ZNF385D: variants seen among roughly 807,000 people sequenced by gnomAD.
ZNF385D encodes the protein zinc finger protein 385D, also known as zinc finger protein 659.
A neutral mutation model predicts 35.8 loss-of-function variants in ZNF385D; 15 were observed. That is an observed-to-expected ratio of 0.42 (90% CI 0.28 to 0.64). ZNF385D has a LOEUF of 0.64. Ranked by LOEUF, ZNF385D falls within the 30% of genes least tolerant of loss-of-function variation. The pLI, the probability that ZNF385D is intolerant of heterozygous loss-of-function variation, is 0.23. For synonymous variants in ZNF385D, 212 were observed against 186.8 expected, an observed-to-expected ratio of 1.13 and a Z score of -1.10; for missense variants, 474 against 494.6, an observed-to-expected ratio of 0.96 and a Z score of 0.39.
intron 3 of ZNF385D, among the ~76,000 whole-genome samples, chr3:22,063,538 T>C (rs1699791756): frequency 6.6e-6 from 1 of 152,132 alleles, no homozygotes; most frequent in Admixed American, 6.6e-5. Flanking sequence ...CCTATTAAAT[T>C]CTCTAAAGTC....
rs78974324 is a variant in ZNF385D, at chr3:22,036,435, T to C, written c.325+132382A>G. 6.5e-3 allele frequency among the ~76,000 whole-genome samples: 980 copies of C among 151,922 alleles called. 9 individuals are homozygous for C. The highest frequency in any genetic ancestry group is 0.022 in the African/African-American group (931 of 41,430). ...AGGAAAAGCATGTGAGTAATATCAA[T>C]TGACAAGAAAACTGACCTATCGAGA... On this transcript the variant is annotated intron_variant, in intron 3 of 5. Coordinates refer to the ZNF385D transcript ENST00000494108.
rs1429643081 is a variant in ZNF385D, at chr3:22,168,906, G to C, written c.236C>G (p.Ser79Ter). The C allele has an allele frequency of 1.0e-6, 1 of 985,704 alleles. No homozygotes were observed. The highest frequency in any genetic ancestry group is 1.2e-6 in the Non-Finnish European group (1 of 829,938). 61.1% of individuals were successfully genotyped at this position (985,704 alleles called of 1,614,324 possible). ...GTAGTGGATTTGTGCTTGAGCGGCT[G>C]AATTCAGCTGAATGTTACATACATT... The change falls in exon 3 of 6, where the codon TCA becomes TGA. Residue 79 changes from serine (S) to a stop codon, truncating the protein, a stop_gained. Coordinates refer to the ZNF385D transcript ENST00000494108. LOFTEE classifies it high-confidence loss of function.
At chr3:21,705,898 A>G (rs2125397785) in intron 1 of ZNF385D, among the ~76,000 whole-genome samples, 1 of 152,198 alleles carries the variant, frequency 6.6e-6, no homozygotes, top group East Asian at 1.9e-4. Context: ...CCACTCCCAC[A>G]CCAAGCTCTG....
intron 3 of ZNF385D, among the ~76,000 whole-genome samples, chr3:21,802,759 A>G (rs1157046367): frequency 2.0e-5 from 3 of 152,190 alleles, no homozygotes; most frequent in African/African-American, 7.2e-5. Context: ...ACTCTTAAAT[A>G]TAAGCATAAA....
At chr3:21,468,765 A>G (rs1275660195) in intron 4 of ZNF385D, among the ~76,000 whole-genome samples, 1 of 152,000 alleles carries the variant, frequency 6.6e-6, no homozygotes, top group African/African-American at 2.4e-5. Flanking sequence ...TTCTACTTAA[A>G]TACAAAAAAT....
intron 1 of ZNF385D, among the ~76,000 whole-genome samples, chr3:21,689,793 A>C (rs1434827157): frequency 6.6e-6 from 1 of 152,018 alleles, no homozygotes; most frequent in Non-Finnish European, 1.5e-5. Context: ...CCCAGGCGAT[A>C]CTGATGCTAC....
intron 3 of ZNF385D, among the ~76,000 whole-genome samples, chr3:22,132,593 A>C (rs922995203): frequency 1.3e-5 from 2 of 152,106 alleles, no homozygotes; most frequent in South Asian, 4.1e-4. Flanking sequence ...ATACTATAAG[A>C]CCAATGTTTC....
At chr3:22,363,151 G>C (rs1696493117) in intron 2 of ZNF385D, among the ~76,000 whole-genome samples, 1 of 88,038 alleles carries the variant, frequency 1.1e-5, no homozygotes, top group African/African-American at 4.7e-5. Context: ...CAGAGGGCAA[G>C]GTCTACCACT....
At chr3:21,928,571 GA>G (rs1700860024) in intron 3 of ZNF385D, among the ~76,000 whole-genome samples, 1 of 152,082 alleles carries the variant, frequency 6.6e-6, no homozygotes, top group Non-Finnish European at 1.5e-5. Context: ...TTTGTTATTT[GA>G]AAAGGTTAAA....
chr3:22,094,304 T>C (rs1353761022), intron 3 of ZNF385D, among the ~76,000 whole-genome samples: 1 of 136,938 alleles, frequency 7.3e-6, no homozygotes, highest in Non-Finnish European at 1.6e-5. Flanking sequence ...CTTGGCTAGG[T>C]ATTTTATTCT....
At chr3:21,832,133 T>C (rs978691989) in intron 3 of ZNF385D, among the ~76,000 whole-genome samples, 8 of 152,310 alleles carry the variant, frequency 5.3e-5, no homozygotes, top group African/African-American at 1.9e-4. Context: ...ATTTTTTAAA[T>C]CTTTTTATTT....
intron 1 of ZNF385D, among the ~76,000 whole-genome samples, chr3:21,714,582 T>C (rs1436950738): frequency 6.6e-6 from 1 of 152,234 alleles, no homozygotes; most frequent in Non-Finnish European, 1.5e-5. Context: ...ACCACTCTTC[T>C]ACTCCTCTCT....
At chr3:21,927,016 G>C (rs917469955) in intron 3 of ZNF385D, among the ~76,000 whole-genome samples, 1 of 152,046 alleles carries the variant, frequency 6.6e-6, no homozygotes, top group African/African-American at 2.4e-5. Flanking sequence ...TGGGTAATGA[G>C]GACAGATCAC....
chr3:22,211,225 T>A (rs1243120203), intron 2 of ZNF385D, among the ~76,000 whole-genome samples: 1 of 151,960 alleles, frequency 6.6e-6, no homozygotes, highest in Non-Finnish European at 1.5e-5. Flanking sequence ...ATATCTGTAG[T>A]ACATACCAGA....
intron 3 of ZNF385D, among the ~76,000 whole-genome samples, chr3:21,829,724 G>T (rs1207366195): frequency 2.0e-5 from 3 of 151,988 alleles, no homozygotes; most frequent in African/African-American, 4.8e-5. Context: ...CTTTCCATGT[G>T]GGAGATGCTA....
chr3:22,146,303 G>A (rs112203571), intron 3 of ZNF385D, among the ~76,000 whole-genome samples: 7 of 152,182 alleles, frequency 4.6e-5, no homozygotes, highest in African/African-American at 1.7e-4. Context: ...TTTATTTCCT[G>A]TTAATTAAGC....
At chr3:22,021,661 A>AG (rs1411854309) in intron 3 of ZNF385D, among the ~76,000 whole-genome samples, 1 of 152,072 alleles carries the variant, frequency 6.6e-6, no homozygotes, top group Non-Finnish European at 1.5e-5. Context: ...AAGCAGAAAA[A>AG]ATTTTTTTGA....
chr3:21,437,886 G>C (rs1701652201), intron 4 of ZNF385D, among the ~76,000 whole-genome samples: 1 of 152,042 alleles, frequency 6.6e-6, no homozygotes, highest in Non-Finnish European at 1.5e-5. Flanking sequence ...GTACCAAGCT[G>C]TACGCAGGGA....
intron 2 of ZNF385D, among the ~76,000 whole-genome samples, chr3:21,592,128 T>C (rs1179532290): frequency 6.6e-6 from 1 of 152,172 alleles, no homozygotes; most frequent in African/African-American, 2.4e-5. Flanking sequence ...AAGGACTTAA[T>C]TACTATAGTT....
Sources: gnomAD v4.1 joint callset for allele counts (sites outside exome capture counted in the v4.1 genomes callset) on GRCh38, gnomAD v4.1.1 for gene constraint, MANE v1.5 for transcripts, NCBI Gene and HGNC (gene_info 2026-07-23, HGNC 2026-07-21) for gene names.